The following ESR1 variants were observed in gnomAD, a reference collection of about 807,000 sequenced individuals.
The protein encoded by ESR1 is estrogen receptor.
Under a neutral mutation model 52.7 loss-of-function variants are expected in ESR1, and 12 were observed. That is an observed-to-expected ratio of 0.23 (90% CI 0.15 to 0.37). The LOEUF (loss-of-function observed/expected upper bound fraction) is 0.37. Among genes scored for constraint, ESR1 ranks in the 10% least tolerant of loss-of-function variants. The probability of loss-of-function intolerance (pLI) is 1.00; values close to 1 mark genes in which losing one functional copy is unlikely to be tolerated. For missense variants in ESR1, 584 were observed against 779.7 expected (o/e 0.75, Z 2.99); for synonymous variants, 305 against 316.8 (o/e 0.96, Z 0.39).
At chr6:151,951,977 TC>T (rs1250442457) in intron 4 of ESR1, among the ~76,000 whole-genome samples, 1 of 152,178 alleles carries the variant, frequency 6.6e-6, no homozygotes, top group Non-Finnish European at 1.5e-5. Context: ...TTATGCTTCT[TC>T]CCTGTTCCAC....
intron 2 of ESR1, among the ~76,000 whole-genome samples, chr6:151,714,774 G>A (rs1780896323): frequency 6.6e-6 from 1 of 152,072 alleles, no homozygotes; most frequent in Non-Finnish European, 1.5e-5. Context: ...ACACCAATGG[G>A]TCTTGACTCT....
chr6:151,961,548 G>A (rs1177697871), intron 4 of ESR1, among the ~76,000 whole-genome samples: 1 of 152,172 alleles, frequency 6.6e-6, no homozygotes. Flanking sequence ...CCATCACATA[G>A]ATAGGAAGGT....
intron 1 of ESR1, among the ~76,000 whole-genome samples, chr6:151,663,557 A>G (rs1451001203): frequency 1.3e-5 from 2 of 152,226 alleles, no homozygotes; most frequent in African/African-American, 4.8e-5. Flanking sequence ...GAAACAAATC[A>G]ATCACAGACA....
intron 2 of ESR1, among the ~76,000 whole-genome samples, chr6:151,846,921 A>G (rs376556341): frequency 5.9e-5 from 9 of 152,192 alleles, no homozygotes; most frequent in African/African-American, 1.9e-4. Flanking sequence ...TTTGAGTATT[A>G]CTTCAAGGAA....
At chr6:151,954,119 A>G (rs12660322) in intron 4 of ESR1, among the ~76,000 whole-genome samples, 23,560 of 152,214 alleles carry the variant, frequency 0.15, 2,048 homozygotes, top group Admixed American at 0.22. Flanking sequence ...TTCATTGACG[A>G]AATTAACTGT....
At chr6:151,967,187 CT>C (rs1222850160) in intron 4 of ESR1, among the ~76,000 whole-genome samples, 1 of 151,954 alleles carries the variant, frequency 6.6e-6, no homozygotes, top group East Asian at 1.9e-4. Context: ...AGAATGATCT[CT>C]TTTTTTTAAT....
chr6:151,754,750 C>A (rs1698842681), intron 2 of ESR1, among the ~76,000 whole-genome samples: 1 of 152,138 alleles, frequency 6.6e-6, no homozygotes, highest in African/African-American at 2.4e-5. Context: ...AACTGGTGCT[C>A]CTCAGATTAA....
In ESR1 at chr6:152,098,670, T is replaced by C; in HGVS notation, c.1554-62T>C. ...CCTCTTCCTTCCCCTTCTAGGGATT[T>C]CAGCACTCCTGGGGCTCGGGTTGGC... On this transcript the variant is annotated intron_variant, in intron 7 of 7. Coordinates refer to ENST00000206249, the MANE Select transcript of ESR1 (RefSeq NM_000125.4). The surrounding 1 kb of genome is among the most constrained non-coding windows in gnomAD (Gnocchi z 5.1). The C allele has an allele frequency of 7.4e-7, 1 of 1,350,090 alleles. No homozygotes were observed. The highest frequency in any genetic ancestry group is 1.1e-6 in the Non-Finnish European group (1 of 950,426). The allele number at this position is 1,350,090 out of a possible 1,614,324, so 83.6% of individuals were successfully genotyped here.
intron 6 of ESR1, among the ~76,000 whole-genome samples, chr6:152,117,021 G>C (rs764728650): frequency 3.3e-5 from 5 of 152,168 alleles, no homozygotes; most frequent in Non-Finnish European, 7.3e-5. Context: ...CAGTGCAGGT[G>C]GTAGCTTGGA....
chr6:152,023,162 A>G (rs914620306), intron 5 of ESR1, among the ~76,000 whole-genome samples: 1 of 152,180 alleles, frequency 6.6e-6, no homozygotes, highest in East Asian at 1.9e-4. Context: ...AAATCTAAGT[A>G]TAATTTATAA....
At chr6:151,883,061 A>G (rs1793215407) in intron 3 of ESR1, among the ~76,000 whole-genome samples, 1 of 151,974 alleles carries the variant, frequency 6.6e-6, no homozygotes, top group South Asian at 2.1e-4. Context: ...TTTTCTCCCA[A>G]TTCTGGAAGC....
chr6:151,770,185 TGTTGACATTCTA>T (rs971802793), intron 2 of ESR1, among the ~76,000 whole-genome samples: 9 of 152,236 alleles, frequency 5.9e-5, no homozygotes, highest in Non-Finnish European at 1.0e-4. Context: ...CTAAATTATG[TGTTGACATTCTA>T]GTAGACCTAG....
At chr6:152,040,855 G>C (rs2045730577) in intron 5 of ESR1, among the ~76,000 whole-genome samples, 1 of 152,232 alleles carries the variant, frequency 6.6e-6, no homozygotes, top group Non-Finnish European at 1.5e-5. Flanking sequence ...GGTGGCAGGA[G>C]TGGGGACCAT....
At position 151,880,787 on chromosome 6, in the gene ESR1, C is replaced by G. The variant is rs1204156678; in HGVS notation, c.760+16C>G. ...ATGAAAGGTGGTAGGTACATCTCTCCCAGGGGCCCTTGGGGATGGCCCTGG... is the reference window on the plus strand; with the variant it reads ...ATGAAAGGTGGTAGGTACATCTCTCGCAGGGGCCCTTGGGGATGGCCCTGG... On this transcript the variant is annotated intron_variant, in intron 3 of 7. Transcript: ENST00000206249. 2.1e-6 allele frequency: 3 copies of G among 1,395,816 alleles called. No homozygotes were observed. The highest frequency in any genetic ancestry group is 2.3e-5 in the South Asian group (2 of 86,620). The allele number at this position is 1,395,816 out of a possible 1,614,324, so 86.5% of individuals were successfully genotyped here.
intron 6 of ESR1, among the ~76,000 whole-genome samples, chr6:152,079,079 C>T (rs192664767): frequency 6.2e-4 from 95 of 152,354 alleles, no homozygotes; most frequent in African/African-American, 2.2e-3. Context: ...AGGCAGCAGA[C>T]AGCTTCCGCA....
intron 5 of ESR1, 110 bp downstream of exon 5, chr6:152,011,904 A>G: frequency 1.6e-6 from 2 of 1,218,002 alleles, no homozygotes; most frequent in Non-Finnish European, 2.3e-6. Flanking sequence ...TTTATTAGGT[A>G]TGTTTACTTA....
At chr6:152,045,496 G>A (rs943942579) in intron 5 of ESR1, among the ~76,000 whole-genome samples, 4 of 152,212 alleles carry the variant, frequency 2.6e-5, no homozygotes, top group African/African-American at 7.2e-5. Flanking sequence ...CTAGGGACAC[G>A]AGGCTCTGCG....
intron 2 of ESR1, among the ~76,000 whole-genome samples, chr6:151,778,040 G>A (rs1243736048): frequency 1.3e-5 from 2 of 152,142 alleles, no homozygotes; most frequent in Non-Finnish European, 2.9e-5. Flanking sequence ...TCTACATCTT[G>A]ACACTTAACT....
At chr6:151,944,533 A>C (rs768682372) in intron 4 of ESR1, 25 bp downstream of exon 4, 2 of 1,597,710 alleles carry the variant, frequency 1.3e-6, no homozygotes, top group Non-Finnish European at 8.6e-7. Flanking sequence ...CGCAGCTTTT[A>C]AGAGTCAATA....
Sources: gnomAD v4.1 joint callset for allele counts (sites outside exome capture counted in the v4.1 genomes callset) on GRCh38, gnomAD v4.1.1 for gene constraint, Gnocchi (gnomAD v3.1) non-coding constraint, MANE v1.5 for transcripts, NCBI Gene and HGNC (gene_info 2026-07-23, HGNC 2026-07-21) for gene names.